Variants in FSTL5 observed in about 807,000 individuals in gnomAD.
The protein encoded by FSTL5 is follistatin-related protein 5.
Under a neutral mutation model 89.1 loss-of-function variants are expected in FSTL5, and 62 were observed. That is an observed-to-expected ratio of 0.70 (90% CI 0.57 to 0.86). The LOEUF (loss-of-function observed/expected upper bound fraction) is 0.86. Among genes scored for constraint, FSTL5 ranks in the 40% least tolerant of loss-of-function variants. FSTL5 has a pLI of 0.00. For synonymous variants in FSTL5, 383 were observed against 346.2 expected (o/e 1.11, Z -1.18); for missense variants, 1,057 against 1,001.6 (o/e 1.06, Z -0.75).
chr4:162,066,059 C>T (rs778386272), intron 2 of FSTL5, among the ~76,000 whole-genome samples: 5 of 152,000 alleles, frequency 3.3e-5, no homozygotes, highest in African/African-American at 1.2e-4. Flanking sequence ...CTTTTAATTA[C>T]AAGATTTAGA....
chr4:162,056,211 A>G (rs915966768), intron 2 of FSTL5, among the ~76,000 whole-genome samples: 1 of 152,032 alleles, frequency 6.6e-6, no homozygotes, highest in Non-Finnish European at 1.5e-5. Context: ...CTAAAAATCA[A>G]TTTAGAAACA....
chr4:162,080,321 C>G (rs1194334724), intron 2 of FSTL5, among the ~76,000 whole-genome samples: 1 of 151,556 alleles, frequency 6.6e-6, no homozygotes, highest in Non-Finnish European at 1.5e-5. Flanking sequence ...TCTCCTAACA[C>G]TGATATGAAT....
At chr4:161,801,517 T>C (rs1729792731) in intron 4 of FSTL5, among the ~76,000 whole-genome samples, 1 of 151,456 alleles carries the variant, frequency 6.6e-6, no homozygotes, top group South Asian at 2.1e-4. Flanking sequence ...TCATTCTGTG[T>C]TCCTAATGGG....
intron 15 of FSTL5, among the ~76,000 whole-genome samples, chr4:161,444,424 T>A (rs746892422): frequency 2.0e-5 from 3 of 151,814 alleles, no homozygotes; most frequent in Non-Finnish European, 2.9e-5. Flanking sequence ...GTTGAAGGTC[T>A]CAAAGGAGCT....
At chr4:161,955,925 G>T (rs948867579) in intron 3 of FSTL5, among the ~76,000 whole-genome samples, 14 of 151,478 alleles carry the variant, frequency 9.2e-5, no homozygotes, top group Non-Finnish European at 3.0e-5. Context: ...TTTGACACTT[G>T]TTCTCTACCC....
At chr4:161,681,326 A>G (rs193017027) in intron 6 of FSTL5, among the ~76,000 whole-genome samples, 1 of 152,230 alleles carries the variant, frequency 6.6e-6, no homozygotes, top group East Asian at 1.9e-4. Flanking sequence ...GAAATATAAA[A>G]TCTAATTAGG....
At chr4:161,678,807 T>C (rs1427168216) in intron 6 of FSTL5, among the ~76,000 whole-genome samples, 1 of 151,732 alleles carries the variant, frequency 6.6e-6, no homozygotes, top group Non-Finnish European at 1.5e-5. Flanking sequence ...CTGTAGATTA[T>C]TTTGGGAGAG....
chr4:161,852,346 T>A (rs1169090777), intron 4 of FSTL5, among the ~76,000 whole-genome samples: 1 of 152,146 alleles, frequency 6.6e-6, no homozygotes, highest in Admixed American at 6.6e-5. Flanking sequence ...ATTGCATGCA[T>A]CCTACTCTTT....
At chr4:161,953,421 GA>G (rs556440372) in intron 3 of FSTL5, among the ~76,000 whole-genome samples, 44 of 151,368 alleles carry the variant, frequency 2.9e-4, no homozygotes, top group Non-Finnish European at 5.6e-4. Context: ...AAATAACCTG[GA>G]AAAAAATACT....
chr4:161,477,588 T>C (rs183548357), intron 13 of FSTL5, among the ~76,000 whole-genome samples: 2 of 151,674 alleles, frequency 1.3e-5, no homozygotes, highest in Admixed American at 1.3e-4. Context: ...CCTTCTCTTT[T>C]CCTAAATACA....
At chr4:161,466,811 A>G (rs17398999) in intron 13 of FSTL5, among the ~76,000 whole-genome samples, 31,081 of 152,120 alleles carry the variant, frequency 0.2, 3,988 homozygotes, top group Non-Finnish European at 0.29. Flanking sequence ...GCAGATAAAA[A>G]TGATACTGAT....
chr4:162,145,762 G>C (rs1492458), intron 1 of FSTL5, among the ~76,000 whole-genome samples: 76,712 of 151,920 alleles, frequency 0.5, 19,800 homozygotes, highest in Admixed American at 0.58. Flanking sequence ...ATAGTTTAGA[G>C]AATCAAAAAC....
intron 5 of FSTL5, among the ~76,000 whole-genome samples, chr4:161,775,508 T>C (rs1741377280): frequency 6.6e-6 from 1 of 152,154 alleles, no homozygotes; most frequent in African/African-American, 2.4e-5. Context: ...GTAGTGCCCT[T>C]GAATATTGGA....
chr4:161,424,433 T>G (rs1732101967), intron 15 of FSTL5, among the ~76,000 whole-genome samples: 1 of 151,964 alleles, frequency 6.6e-6, no homozygotes. Flanking sequence ...GTTTTATTTT[T>G]TGAGGAACAG....
chr4:161,909,034 C>A (rs1004997646), intron 4 of FSTL5, among the ~76,000 whole-genome samples: 4 of 152,126 alleles, frequency 2.6e-5, no homozygotes, highest in African/African-American at 9.7e-5. Flanking sequence ...CCCAAATACC[C>A]AGGAAAGGTG....
chr4:161,907,711 G>A (rs1398236510), intron 4 of FSTL5, among the ~76,000 whole-genome samples: 1 of 152,034 alleles, frequency 6.6e-6, no homozygotes, highest in East Asian at 1.9e-4. Context: ...ACTTAGTAAG[G>A]TTGACGATGA....
chr4:161,467,091 C>T (rs1048082078), intron 13 of FSTL5, among the ~76,000 whole-genome samples: 2 of 151,878 alleles, frequency 1.3e-5, no homozygotes, highest in African/African-American at 2.4e-5. Flanking sequence ...AAGAAAACTT[C>T]AAAGTTTACA....
At chr4:162,041,126 CT>C (rs1456854039) in intron 2 of FSTL5, among the ~76,000 whole-genome samples, 1 of 144,712 alleles carries the variant, frequency 6.9e-6, no homozygotes, top group Non-Finnish European at 1.5e-5. Context: ...GGAATGCAGG[CT>C]TTCTTAACTT....
intron 15 of FSTL5, among the ~76,000 whole-genome samples, chr4:161,433,173 C>T (rs1578969899): frequency 6.7e-6 from 1 of 149,948 alleles, no homozygotes; most frequent in Non-Finnish European, 1.5e-5. Context: ...TGTAAAAATC[C>T]TCAATGAAAT....
Sources: allele counts gnomAD v4.1 joint callset (sites outside exome capture counted in the v4.1 genomes callset), GRCh38; gene constraint gnomAD v4.1.1; transcripts MANE v1.5; gene names NCBI Gene and HGNC (gene_info 2026-07-23, HGNC 2026-07-21).